GPRIN1: variants seen among roughly 807,000 people sequenced by gnomAD.
The protein encoded by GPRIN1 is G protein regulated inducer of neurite outgrowth 1.
GPRIN1 carries 4 observed loss-of-function variants against 2.8 expected under a neutral mutation model. The ratio of observed to expected loss-of-function variants is 1.45; its 90% CI spans 0.71 to 3.32. GPRIN1 has a LOEUF of 3.32. Ranked by LOEUF, GPRIN1 falls within the 30% of genes most tolerant of loss-of-function variation. The pLI is 0.01. For missense variants in GPRIN1, 1,322 were observed against 1,343.4 expected (o/e 0.98, Z 0.25); for synonymous variants, 589 against 589.9 (o/e 1.00, Z 0.02).
intron 1 of GPRIN1, among the ~76,000 whole-genome samples, chr5:176,604,975 T>G (rs1229558591): frequency 2.0e-5 from 3 of 152,078 alleles, no homozygotes; most frequent in Non-Finnish European, 4.4e-5. Flanking sequence ...TCAGGTGATT[T>G]GCCTACCTTG....
rs1759164237 is a variant in GPRIN1, at chr5:176,602,741, G to C, written c.-43-2864C>G. Among the ~76,000 whole-genome samples the C allele has an allele frequency of 2.0e-5, 3 of 152,298 alleles. No homozygotes were observed. The South Asian group carries it at 6.2e-4, about 32-fold the overall frequency. On this transcript the variant is annotated intron_variant, in intron 1 of 1. Transcript: ENST00000303991. This position sits in a 1 kb window ranked among gnomAD's most constrained non-coding sequence, Gnocchi z 4.4. ...GGTACACAAGGGCATGGCTAGTGAT[G>C]AGAACAAGACGGGGAGGCAGGTTCT...
chr5:176,600,811 G>A (rs1759135731), intron 1 of GPRIN1, among the ~76,000 whole-genome samples: 1 of 152,166 alleles, frequency 6.6e-6, no homozygotes, highest in Non-Finnish European at 1.5e-5. Context: ...AGCTACTCAG[G>A]AGGCCGAGGC....
Position 176,604,722 on chromosome 5 carries a change from G to T in GPRIN1, c.-43-4845C>A, listed in dbSNP as rs200549796. The stretch of plus-strand genomic sequence containing the variant: ...TTTTTTTAGCTAAGTCATAAATCTG[G>T]ATATCTGTATTTTATTTATTTATTT... On this transcript the variant is annotated intron_variant, in intron 1 of 1. Coordinates refer to ENST00000303991, the MANE Select transcript of GPRIN1 (RefSeq NM_052899.3). Among the ~76,000 whole-genome samples, 4 of 152,038 alleles carry T rather than the reference G, an allele frequency of 2.6e-5. No homozygotes were observed. In the East Asian group the frequency reaches 7.7e-4, roughly 29 times the overall value.
chr5:176,606,079 A>T (rs1759216362), intron 1 of GPRIN1, among the ~76,000 whole-genome samples: 1 of 152,134 alleles, frequency 6.6e-6, no homozygotes, highest in Admixed American at 6.6e-5. Flanking sequence ...CCCTGGGTGC[A>T]GCCCGGGCAG....
rs1759051054 is a variant in GPRIN1, at chr5:176,597,106, A to G, written c.2729T>C (p.Val910Ala). The change falls in exon 2 of 2, where the codon GTG (valine) becomes GCG (alanine). Residue 910 changes from valine to alanine, a missense_variant. Val to Ala is a moderately conservative substitution (Grantham distance 64). Transcript: ENST00000303991. This position sits in a 1 kb window ranked among gnomAD's most constrained non-coding sequence, Gnocchi z 6.1. The part of the protein sequence containing the change: ...AVAPPEPAEP[V>A]RDVSWDEKGM... ...CTTCTCGTCCCAGCTCACGTCTCGC[A>G]CGGGCTCAGCCGGCTCCGGGGGCGC... 2.0e-6 allele frequency: 3 copies of G among 1,485,976 alleles called. No individual in the cohort carries two copies. The highest frequency in any genetic ancestry group is 2.7e-6 in the Non-Finnish European group (3 of 1,114,928). 92.0% of individuals were successfully genotyped at this position (1,485,976 alleles called of 1,614,324 possible). A position where few individuals can be genotyped will look rare whatever the true frequency, so the allele number is the denominator to read the frequency against.
chr5:176,596,727 G>T lies in GPRIN1; in HGVS notation c.*81C>A. 1 of 1,218,700 alleles carries T rather than the reference G, an allele frequency of 8.2e-7. No homozygotes were observed. Among genetic ancestry groups the T allele is most frequent in the Non-Finnish European group, 1.0e-6 (1 of 954,352 alleles). 75.5% of individuals were successfully genotyped at this position (1,218,700 alleles called of 1,614,324 possible). A position where few individuals can be genotyped will look rare whatever the true frequency, so the allele number is the denominator to read the frequency against. On this transcript the variant is annotated 3_prime_UTR_variant, in exon 2 of 2. Coordinates refer to ENST00000303991, the MANE Select transcript of GPRIN1 (RefSeq NM_052899.3). This position sits in a 1 kb window ranked among gnomAD's most constrained non-coding sequence, Gnocchi z 5.2. ...ACCCCTCGGAGGCCTGTGGCACGCA[G>T]AGGGGACCCCTTCTAGGGGCCTGTG...
intron 1 of GPRIN1, among the ~76,000 whole-genome samples, chr5:176,606,632 A>G (rs763003285): frequency 2.0e-5 from 3 of 152,124 alleles, no homozygotes; most frequent in Non-Finnish European, 4.4e-5. Context: ...TGTCCTAGAC[A>G]CTGAGGCTGA....
chr5:176,604,455 G>C (rs551572447), intron 1 of GPRIN1, among the ~76,000 whole-genome samples: 1 of 151,850 alleles, frequency 6.6e-6, no homozygotes, highest in Non-Finnish European at 1.5e-5. Flanking sequence ...GCGCGATCTC[G>C]GCTCACTGCA....
At chr5:176,604,860 A>C (rs1759201093) in intron 1 of GPRIN1, among the ~76,000 whole-genome samples, 2 of 151,864 alleles carry the variant, frequency 1.3e-5, no homozygotes, top group Non-Finnish European at 2.9e-5. Context: ...CAGCCTCCCA[A>C]GTAGCTGGGA....
chr5:176,603,020 A>C (rs1292433481), intron 1 of GPRIN1, among the ~76,000 whole-genome samples: 2 of 151,826 alleles, frequency 1.3e-5, no homozygotes. Flanking sequence ...AGGGTGGGAG[A>C]AGCTTTTCTT....
At chr5:176,605,480 G>A (rs866606373) in intron 1 of GPRIN1, among the ~76,000 whole-genome samples, 70 of 152,280 alleles carry the variant, frequency 4.6e-4, no homozygotes, top group African/African-American at 1.5e-3. Flanking sequence ...GGAAAAGGAC[G>A]TTATAAGCCA....
rs555983422 is a variant in GPRIN1 at position 176,602,121 on chromosome 5, C to T, written c.-43-2244G>A. Among the ~76,000 whole-genome samples the T allele has an allele frequency of 1.8e-4, 27 of 152,212 alleles. No homozygotes were observed. Among genetic ancestry groups the T allele is most frequent in the Non-Finnish European group, 2.9e-4 (20 of 68,048 alleles). ...GCTGCTTCAGCCACGCGGGGTGCCT[C>T]GCTGTGCGCCTTGCTGTGCCTTGAA... On this transcript the variant is annotated intron_variant, in intron 1 of 1. Coordinates refer to ENST00000303991, the MANE Select transcript of GPRIN1 (RefSeq NM_052899.3). This position sits in a 1 kb window ranked among gnomAD's most constrained non-coding sequence, Gnocchi z 4.4.
chr5:176,597,747 A>G lies in GPRIN1; in HGVS notation c.2088T>C (p.Ser696=). The G allele has an allele frequency of 6.2e-7, 1 of 1,604,126 alleles. No homozygotes were observed. ...GEPVSLGKAD[S]APSRKTESPS... The stretch of plus-strand genomic sequence containing the variant: ...GGGACTCCGTTTTTCTGGAAGGTGC[A>G]GAGTCGGCTTTCCCCAGGGACACAG... Residue 696 remains serine, a synonymous_variant, in exon 2 of 2, where the codon TCT becomes TCC. Transcript: ENST00000303991. The surrounding 1 kb of genome is among the most constrained non-coding windows in gnomAD (Gnocchi z 6.1).
At chr5:176,604,590 T>C (rs1036545968) in intron 1 of GPRIN1, among the ~76,000 whole-genome samples, 3 of 152,084 alleles carry the variant, frequency 2.0e-5, no homozygotes, top group African/African-American at 7.2e-5. Flanking sequence ...ATCTCGTGTC[T>C]ACAATAGGAT....
rs112164239 is a variant in GPRIN1, at chr5:176,596,646, A to C, written c.*162T>G. 5.5e-3 allele frequency: 2,737 copies of C among 500,706 alleles called. 66 individuals are homozygous for C. The highest frequency in any genetic ancestry group is 0.051 in the African/African-American group (2,523 of 49,182). 31.0% of individuals were successfully genotyped at this position (500,706 alleles called of 1,614,324 possible). ...AGCTTGGTAGAAGGGGTTCTTCTGT[A>C]TTTGTGATGGGAGGGGCTGGAAAGA... On this transcript the variant is annotated 3_prime_UTR_variant, in exon 2 of 2. Coordinates refer to ENST00000303991, the MANE Select transcript of GPRIN1 (RefSeq NM_052899.3). This position sits in a 1 kb window ranked among gnomAD's most constrained non-coding sequence, Gnocchi z 5.2.
At position 176,598,153 on chromosome 5, in the gene GPRIN1, G is replaced by C. The variant is rs1437629439; in HGVS notation, c.1682C>G (p.Ala561Gly). ...EDPVSKGKAD[A>G]GPSGQGDSVS... ...AGAGTCCCCTTGTCCAGAGGGGCCA[G>C]CGTCTGCCTTTCCCTTGCTCACAGG... Residue 561 changes from alanine (A) to glycine (G), a missense_variant, in exon 2 of 2, where the codon GCT (alanine) becomes GGT (glycine). Transcript: ENST00000303991. 7 of 1,612,892 alleles carry C rather than the reference G, an allele frequency of 4.3e-6. No individual in the cohort carries two copies. Among genetic ancestry groups the C allele is most frequent in the Non-Finnish European group, 5.9e-6 (7 of 1,180,012 alleles).
In GPRIN1 at chr5:176,598,184, C is replaced by T. The variant is rs1759083739; in HGVS notation, c.1651G>A (p.Glu551Lys). The stretch of plus-strand genomic sequence containing the variant: ...GCCTTTCCCTTGCTCACAGGGTCCT[C>T]CTTGCCCACCGCGAGGGGCTCGGCC... The part of the protein sequence containing the change: ...GKAEPLAVGK[E>K]DPVSKGKADA... The change falls in exon 2 of 2, where the codon GAG (glutamate) becomes AAG (lysine). Residue 551 changes from glutamate to lysine, a missense_variant. Glu to Lys is a moderately conservative substitution (Grantham distance 56). Transcript: ENST00000303991. 3.1e-6 allele frequency: 5 copies of T among 1,612,588 alleles called. No individual in the cohort carries two copies. Among genetic ancestry groups the T allele is most frequent in the Non-Finnish European group, 2.5e-6 (3 of 1,180,026 alleles).
At chr5:176,605,579 G>A (rs1040086124) in intron 1 of GPRIN1, among the ~76,000 whole-genome samples, 2 of 152,076 alleles carry the variant, frequency 1.3e-5, no homozygotes, top group African/African-American at 4.8e-5. Context: ...AAGGTGGGAT[G>A]ACTGCTTGAG....
Position 176,596,939 on chromosome 5 carries a change from CG to C in GPRIN1, c.2895del (p.Gly966AlafsTer119). The C allele has an allele frequency of 8.1e-7, 1 of 1,239,490 alleles. No individual in the cohort carries two copies. Among genetic ancestry groups the C allele is most frequent in the Non-Finnish European group, 1.0e-6 (1 of 993,134 alleles). The allele number at this position is 1,239,490 out of a possible 1,614,324, so 76.8% of individuals were successfully genotyped here. ...PAPPPAARAG[P>X]GRSGSVRTAP... ...GCGGTGCGCACCGAGCCCGAACGGC[CG>C]GGGCCGGCACGGGCGGCGGGCGGCG... On this transcript the variant is annotated frameshift_variant, in exon 2 of 2. Coordinates refer to ENST00000303991, the MANE Select transcript of GPRIN1 (RefSeq NM_052899.3). LOFTEE classifies it high-confidence loss of function. The surrounding 1 kb of genome is among the most constrained non-coding windows in gnomAD (Gnocchi z 5.2).
Sources: gnomAD v4.1 joint callset for allele counts (sites outside exome capture counted in the v4.1 genomes callset) on GRCh38, gnomAD v4.1.1 for gene constraint, Gnocchi (gnomAD v3.1) non-coding constraint, MANE v1.5 for transcripts, NCBI Gene and HGNC (gene_info 2026-07-23, HGNC 2026-07-21) for gene names.